NLRP1: variants seen among roughly 807,000 people sequenced by gnomAD.
NLRP1 encodes the protein NACHT, LRR and PYD domains-containing protein 1.
A neutral mutation model predicts 136.7 loss-of-function variants in NLRP1; 94 were observed. That is an observed-to-expected ratio of 0.69 (90% CI 0.58 to 0.82). NLRP1 has a LOEUF of 0.82. Ranked by LOEUF, NLRP1 falls within the 40% of genes least tolerant of loss-of-function variation. NLRP1 has a pLI of 0.00. For missense variants in NLRP1, 1,575 were observed against 1,802.7 expected (o/e 0.87, Z 2.29); for synonymous variants, 690 against 725.1 (o/e 0.95, Z 0.78).
chr17:5,582,972 C>G (rs1905866101), intron 1 of NLRP1, 126 bp from the exon 2 acceptor site: 2 of 695,846 alleles, frequency 2.9e-6, no homozygotes, highest in East Asian at 5.6e-5. Context: ...CGCTGCAGCC[C>G]TCTACAACTT....
intron 3 of NLRP1, among the ~76,000 whole-genome samples, chr17:5,561,728 C>T (rs1000027860): frequency 4.6e-5 from 2 of 43,060 alleles, no homozygotes; most frequent in African/African-American, 8.5e-5. Context: ...CAGGCGTGAG[C>T]CACCGCGCCC....
In NLRP1 at chr17:5,536,933, G is replaced by T. The variant is rs1911152499; in HGVS notation, c.2878C>A (p.Gln960Lys). 3.1e-6 allele frequency: 5 copies of T among 1,612,366 alleles called. No individual in the cohort carries two copies. Among genetic ancestry groups the T allele is most frequent in the Non-Finnish European group, 4.2e-6 (5 of 1,178,526 alleles). ...ACKLIRLGLD[Q>K]TTLSDEMRQE... Reference sequence around the variant, plus strand: ...CTCATCTCATCACTCAGAGTTGTCTGGTCCAGCCTGAAAGCACAAAGGGAG... The same window carrying T: ...CTCATCTCATCACTCAGAGTTGTCTTGTCCAGCCTGAAAGCACAAAGGGAG... Residue 960 changes from glutamine to lysine, a missense_variant, in exon 8 of 17, where the codon CAG becomes AAG. By Grantham distance (53) the Gln-to-Lys change is moderately conservative (BLOSUM62 1). Coordinates refer to ENST00000572272, the MANE Select transcript of NLRP1 (RefSeq NM_033004.4).
rs200847934 is a variant in NLRP1, at chr17:5,559,232, T to C, written c.1464A>G (p.Glu488=). 2 of 1,614,088 alleles carry C rather than the reference T, an allele frequency of 1.2e-6. No individual in the cohort carries two copies. The highest frequency in any genetic ancestry group is 1.7e-6 in the Non-Finnish European group (2 of 1,180,042). ...CATCTGTGAAATATCTGTAGAAATA[T>C]TCCTTCCTGCTGGACTCAGAGAACC... ...VLGFSESSRK[E]YFYRYFTDER... Residue 488 remains glutamate, a synonymous_variant, in exon 4 of 17, where the codon GAA becomes GAG. Transcript: ENST00000572272.
intron 8 of NLRP1, among the ~76,000 whole-genome samples, chr17:5,535,803 G>A (rs762095496): frequency 5.3e-5 from 8 of 152,202 alleles, no homozygotes; most frequent in Non-Finnish European, 1.0e-4. Flanking sequence ...TGAGCTTCAT[G>A]GTCAGGTGGA....
At position 5,514,334 on chromosome 17, in the gene NLRP1, G is replaced by T; in HGVS notation, c.*420C>A. On this transcript the variant is annotated 3_prime_UTR_variant, in exon 17 of 17. Transcript: ENST00000572272. ...TTGGCTTGCTCTTGTAGATCTTCCT[G>T]TACAAAGCCAAGAATCCACGTGGCC... The T allele has an allele frequency of 1.1e-6, 1 of 935,628 alleles. No individual in the cohort carries two copies. Among genetic ancestry groups the T allele is most frequent in the Non-Finnish European group, 1.3e-6 (1 of 765,708 alleles). The allele number at this position is 935,628 out of a possible 1,614,324, so 58.0% of individuals were successfully genotyped here.
At position 5,553,496 on chromosome 17, in the gene NLRP1, G is replaced by A; in HGVS notation, c.2418C>T (p.Val806=). 6.2e-7 allele frequency: 1 copy of A among 1,614,196 alleles called. No individual in the cohort carries two copies. The highest frequency in any genetic ancestry group is 8.5e-7 in the Non-Finnish European group (1 of 1,180,016). ...GGTCCAGCTCCTTCAGGTTTCTGGT[G>A]ACCTTGAGGACGGAGAAGAGAATCT... ...YWQILFSVLK[V]TRNLKELDLS... The change falls in exon 5 of 17, where the codon GTC becomes GTT. Residue 806 remains valine (V), a synonymous_variant. Transcript: ENST00000572272.
downstream of NLRP1, among the ~76,000 whole-genome samples, chr17:5,511,452 G>GAGAATT (rs1432363627): frequency 4.0e-5 from 4 of 99,540 alleles, no homozygotes; most frequent in African/African-American, 8.0e-5. Flanking sequence ...AAAAAAAAAA[G>GAGAATT]AGAATCTGGA....
intron 3 of NLRP1, among the ~76,000 whole-genome samples, chr17:5,566,611 G>C (rs890568595): frequency 2.0e-5 from 3 of 152,102 alleles, no homozygotes; most frequent in Admixed American, 2.0e-4. Flanking sequence ...TGATCCATGT[G>C]CTGAGGAAAA....
chr17:5,530,370 C>T (rs1029744184), intron 12 of NLRP1, 111 bp downstream of exon 12: 16 of 886,688 alleles, frequency 1.8e-5, no homozygotes, highest in Admixed American at 4.4e-5. Flanking sequence ...AACCCCCCCT[C>T]GGCCCCTCTA....
Position 5,533,310 on chromosome 17 carries a change from T to C in NLRP1, c.3127A>G (p.Ile1043Val), listed in dbSNP as rs751581231. Residue 1043 changes from isoleucine to valine, a missense_variant, in exon 10 of 17, where the codon ATT becomes GTT. Ile to Val is a conservative substitution (Grantham distance 29). Transcript: ENST00000572272. ...CAGGCACCGTGGCTCTTGCCTGCAATCTCAGCAATTGGGAAGATCTTGCTC... is the reference window on the plus strand; with the variant it reads ...CAGGCACCGTGGCTCTTGCCTGCAACCTCAGCAATTGGGAAGATCTTGCTC... ...DVSKIFPIAE[I>V]AEESSPEVVP... The C allele has an allele frequency of 6.5e-6, 10 of 1,543,440 alleles. No individual in the cohort carries two copies. Among genetic ancestry groups the C allele is most frequent in the Non-Finnish European group, 8.8e-6 (10 of 1,139,428 alleles).
chr17:5,580,579 T>G (rs1905527769), intron 3 of NLRP1, among the ~76,000 whole-genome samples: 1 of 152,228 alleles, frequency 6.6e-6, no homozygotes, highest in Non-Finnish European at 1.5e-5. Flanking sequence ...GTTGCTAGAA[T>G]GCCCACAATT....
downstream of NLRP1, among the ~76,000 whole-genome samples, chr17:5,510,297 C>T (rs1272211097): frequency 6.6e-6 from 1 of 152,042 alleles, no homozygotes; most frequent in Non-Finnish European, 1.5e-5. Flanking sequence ...AGGGACCCTT[C>T]TGCCTCAGCC....
chr17:5,558,699 A>G lies in NLRP1; in HGVS notation c.1997T>C (p.Phe666Ser). ...TLEAYGIHGLFGASTTRFLLG... is the reference protein window; with the variant it reads ...TLEAYGIHGLSGASTTRFLLG... Reference sequence around the variant, plus strand: ...TAGGAAACGTGTGGTTGATGCCCCAAACAGGCCATGTATTCCATATGCTTC... The same window carrying G: ...TAGGAAACGTGTGGTTGATGCCCCAGACAGGCCATGTATTCCATATGCTTC... Residue 666 changes from phenylalanine (F) to serine (S), a missense_variant, in exon 4 of 17, where the codon TTT becomes TCT. Transcript: ENST00000572272. The G allele has an allele frequency of 1.2e-6, 2 of 1,614,104 alleles. No homozygotes were observed. Among genetic ancestry groups the G allele is most frequent in the Non-Finnish European group, 1.7e-6 (2 of 1,179,996 alleles).
chr17:5,539,654 T>C, intron 6 of NLRP1, 69 bp from the exon 7 acceptor site: 2 of 1,441,678 alleles, frequency 1.4e-6, no homozygotes, highest in Non-Finnish European at 1.8e-6. Context: ...AACTAGGGTC[T>C]GATCTTCCTT....
At chr17:5,536,241 T>C (rs11656039) in intron 8 of NLRP1, among the ~76,000 whole-genome samples, 7,111 of 152,010 alleles carry the variant, frequency 0.047, 189 homozygotes, top group Middle Eastern at 0.088. Flanking sequence ...CTCTGTCTCC[T>C]GGGTTCATGT....
In NLRP1 at chr17:5,539,500, G is replaced by A. The variant is rs932005463; in HGVS notation, c.2785C>T (p.Leu929=). 1 of 1,614,068 alleles carries A rather than the reference G, an allele frequency of 6.2e-7. No individual in the cohort carries two copies. Among genetic ancestry groups the A allele is most frequent in the East Asian group, 2.2e-5 (1 of 44,896 alleles). ...ACGTCATCCAGGTTGTTCTGCTGCA[G>A]GTCTAGCTCCTTCAGGCTGGGGCTG... is the stretch of plus-strand genomic sequence containing the variant. ...SASPSLKELD[L]QQNNLDDVGV... Residue 929 remains leucine, a synonymous_variant, in exon 7 of 17, where the codon CTG becomes TTG. Coordinates refer to ENST00000572272, the MANE Select transcript of NLRP1 (RefSeq NM_033004.4).
At chr17:5,578,852 G>T (rs1905275915) in intron 3 of NLRP1, among the ~76,000 whole-genome samples, 1 of 152,164 alleles carries the variant, frequency 6.6e-6, no homozygotes, top group Non-Finnish European at 1.5e-5. Flanking sequence ...CAAAGACTTG[G>T]AACCAACCCA....
chr17:5,505,148 T>C (rs536640752), intron 15 of NLRP1: 5 of 152,240 alleles, frequency 3.3e-5, no homozygotes, highest in African/African-American at 9.6e-5. Flanking sequence ...AAACCCACAG[T>C]TGATGGGAAA....
intron 15 of NLRP1, among the ~76,000 whole-genome samples, chr17:5,506,462 A>T (rs1248830560): frequency 6.6e-6 from 1 of 152,218 alleles, no homozygotes; most frequent in Admixed American, 6.5e-5. Context: ...TCAAAGAGAT[A>T]TCTGTACACC....
Sources: gnomAD v4.1 joint callset for allele counts (sites outside exome capture counted in the v4.1 genomes callset) on GRCh38, gnomAD v4.1.1 for gene constraint, MANE v1.5 for transcripts, NCBI Gene and HGNC (gene_info 2026-07-23, HGNC 2026-07-21) for gene names.